LIMD1: variants seen among roughly 807,000 people sequenced by gnomAD.
The protein encoded by LIMD1 is LIM domain-containing protein 1.
Under a neutral mutation model 58.4 loss-of-function variants are expected in LIMD1, and 23 were observed. That is an observed-to-expected ratio of 0.39 (90% CI 0.28 to 0.56). The LOEUF is 0.56. Among genes scored for constraint, LIMD1 ranks in the 20% least tolerant of loss-of-function variants. The pLI is 0.57. For missense variants in LIMD1, 838 were observed against 855.5 expected, an observed-to-expected ratio of 0.98 and a Z score of 0.25; for synonymous variants, 334 against 345.5, an observed-to-expected ratio of 0.97 and a Z score of 0.37.
intron 1 of LIMD1, among the ~76,000 whole-genome samples, chr3:45,603,001 C>T (rs1317752593): frequency 2.0e-5 from 3 of 152,010 alleles, no homozygotes; most frequent in Admixed American, 6.5e-5. Context: ...CCACCATGCC[C>T]GGCTAATTTT....
intron 1 of LIMD1, among the ~76,000 whole-genome samples, chr3:45,602,754 C>T (rs1701428528): frequency 6.6e-6 from 1 of 152,074 alleles, no homozygotes; most frequent in Non-Finnish European, 1.5e-5. Flanking sequence ...CTACAGATGC[C>T]CTATCTGCAT....
At chr3:45,658,064 A>G (rs1697369053) in intron 2 of LIMD1, among the ~76,000 whole-genome samples, 1 of 152,236 alleles carries the variant, frequency 6.6e-6, no homozygotes, top group Admixed American at 6.5e-5. Context: ...AAAGTTTTCA[A>G]GCATTTAAAA....
At chr3:45,665,538 C>T (rs750384383) in intron 2 of LIMD1, 112 bp from the exon 3 acceptor site, 38 of 775,390 alleles carry the variant, frequency 4.9e-5, no homozygotes, top group South Asian at 1.2e-4. Flanking sequence ...TGACAGTTGG[C>T]GGTTTTTACG....
At chr3:45,618,245 A>G (rs1701593087) in intron 1 of LIMD1, among the ~76,000 whole-genome samples, 1 of 152,158 alleles carries the variant, frequency 6.6e-6, no homozygotes, top group Non-Finnish European at 1.5e-5. Context: ...GAGAGAAGCT[A>G]AGGTCAGATT....
intron 1 of LIMD1, among the ~76,000 whole-genome samples, chr3:45,612,550 G>A (rs1202429297): frequency 2.0e-5 from 3 of 152,170 alleles, no homozygotes; most frequent in African/African-American, 7.2e-5. Flanking sequence ...TCAAAATGCT[G>A]TATTTGCATA....
Position 45,668,314 on chromosome 3 carries a change from G to A in LIMD1, c.1599G>A (p.Ser533=), listed in dbSNP as rs746548540. 9.9e-6 allele frequency: 16 copies of A among 1,612,434 alleles called. No homozygotes were observed. Among genetic ancestry groups the A allele is most frequent in the Middle Eastern group, 1.7e-4 (1 of 6,058 alleles). Residue 533 remains serine (S), a synonymous_variant, in exon 4 of 8, where the codon TCG becomes TCA. Transcript: ENST00000273317. The stretch of plus-strand genomic sequence containing the variant: ...TGCAGTACTCTGGTTTCCAGCAGTC[G>A]GCTGACAGGTGTTTTCTTTGTGGAC... ...EDFLYSGFQQ[S]ADRCFLCGHL...
intron 2 of LIMD1, among the ~76,000 whole-genome samples, chr3:45,650,786 G>T (rs988267939): frequency 6.6e-6 from 1 of 151,810 alleles, no homozygotes; most frequent in African/African-American, 2.4e-5. Context: ...GAATAGTGCC[G>T]CAATAAACAT....
At chr3:45,654,881 T>G (rs903350935) in intron 2 of LIMD1, among the ~76,000 whole-genome samples, 3 of 151,196 alleles carry the variant, frequency 2.0e-5, no homozygotes, top group Non-Finnish European at 4.4e-5. Context: ...AGTGTCTTTT[T>G]GGAGTGGATT....
intron 4 of LIMD1, among the ~76,000 whole-genome samples, chr3:45,671,951 A>G (rs1196913753): frequency 6.6e-6 from 1 of 152,152 alleles, no homozygotes; most frequent in Non-Finnish European, 1.5e-5. Context: ...CCTGCTGTCC[A>G]TGTCTTGGGT....
chr3:45,612,241 T>C lies in LIMD1; in HGVS notation c.1408+15954T>C, dbSNP rs6799618. On this transcript the variant is annotated intron_variant, in intron 1 of 7. Coordinates refer to ENST00000273317, the MANE Select transcript of LIMD1 (RefSeq NM_014240.3). ...CTGGAAACACAGGTATGCACAACCA[T>C]GCCTGGCTAATTTGTTAATTTTTGT... 5.1e-3 allele frequency among the ~76,000 whole-genome samples: 773 copies of C among 152,248 alleles called. 10 individuals carry two copies. The highest frequency in any genetic ancestry group is 0.018 in the African/African-American group (735 of 41,550).
intron 2 of LIMD1, among the ~76,000 whole-genome samples, chr3:45,642,976 A>G (rs547646187): frequency 6.6e-6 from 1 of 152,214 alleles, no homozygotes; most frequent in Non-Finnish European, 1.5e-5. Context: ...CCCCACTGGC[A>G]CTGGACACTC....
At position 45,595,942 on chromosome 3, in the gene LIMD1, G is replaced by C. The variant is rs145308089; in HGVS notation, c.1063G>C (p.Ala355Pro). 4 of 1,614,114 alleles carry C rather than the reference G, an allele frequency of 2.5e-6. No individual in the cohort carries two copies. The African/African-American group carries it at 5.3e-5, about 22-fold the overall frequency. ...CAGTTCTGCCCCGTCATCCTCGCCA[G>C]CTGGTCTGGACGGTTCACAGCAGGG... ...LSSSAPSSSP[A>P]GLDGSQQGAV... Residue 355 changes from alanine (A) to proline (P), a missense_variant, in exon 1 of 8, where the codon GCT (alanine) becomes CCT (proline). Ala to Pro is a conservative substitution (Grantham distance 27). This residue lies in a region of LIMD1 where 659 missense variants were observed against 639.8 expected (regional missense o/e 1.03). Transcript: ENST00000273317.
chr3:45,603,894 G>C (rs1352259919), intron 1 of LIMD1, among the ~76,000 whole-genome samples: 1 of 152,000 alleles, frequency 6.6e-6, no homozygotes, highest in Admixed American at 6.6e-5. Flanking sequence ...ACATATCATA[G>C]ATGTTCACAA....
At chr3:45,643,136 G>T (rs146925259) in intron 2 of LIMD1, among the ~76,000 whole-genome samples, 1 of 152,198 alleles carries the variant, frequency 6.6e-6, no homozygotes, top group Admixed American at 6.5e-5. Flanking sequence ...AGCAGCATGA[G>T]AGGAGGAAAA....
chr3:45,601,256 G>T (rs992461410), intron 1 of LIMD1, among the ~76,000 whole-genome samples: 1 of 152,160 alleles, frequency 6.6e-6, no homozygotes, highest in Non-Finnish European at 1.5e-5. Context: ...ACCTGACCCC[G>T]CAGGGAGCCT....
At chr3:45,660,677 G>A (rs1369024966) in intron 2 of LIMD1, among the ~76,000 whole-genome samples, 1 of 152,090 alleles carries the variant, frequency 6.6e-6, no homozygotes, top group Non-Finnish European at 1.5e-5. Context: ...CAGCCTCCCA[G>A]AGTGCTGGGA....
At chr3:45,639,222 A>C (rs561700361) in intron 2 of LIMD1, among the ~76,000 whole-genome samples, 1 of 152,190 alleles carries the variant, frequency 6.6e-6, no homozygotes, top group South Asian at 2.1e-4. Flanking sequence ...CTTTGTTTAC[A>C]ATTTATCTTT....
intron 2 of LIMD1, among the ~76,000 whole-genome samples, chr3:45,655,387 G>A (rs2125665249): frequency 6.6e-6 from 1 of 152,282 alleles, no homozygotes; most frequent in South Asian, 2.1e-4. Context: ...GGACGATTCT[G>A]AAACTAGAAT....
chr3:45,669,696 C>T (rs1300633058), intron 4 of LIMD1, among the ~76,000 whole-genome samples: 1 of 152,134 alleles, frequency 6.6e-6, no homozygotes, highest in African/African-American at 2.4e-5. Context: ...TCTTTCAGGT[C>T]TTATTACATA....
Sources: allele counts gnomAD v4.1 joint callset (sites outside exome capture counted in the v4.1 genomes callset), GRCh38; gene constraint gnomAD v4.1.1; regional missense constraint gnomAD v4.1.1; transcripts MANE v1.5; gene names NCBI Gene and HGNC (gene_info 2026-07-23, HGNC 2026-07-21).